Variants in VPS13B observed in about 807,000 individuals in gnomAD.
VPS13B encodes vacuolar protein sorting 13 homolog B.
A neutral mutation model predicts 426.4 loss-of-function variants in VPS13B; 285 were observed. The ratio of observed to expected loss-of-function variants is 0.67; its 90% confidence interval spans 0.61 to 0.74. VPS13B has a LOEUF of 0.74. VPS13B is among the 30% of genes least tolerant of loss of function. VPS13B has a pLI of 0.00. For synonymous variants in VPS13B, 1,676 were observed against 1,676.4 expected (o/e 1.00, Z 0.01); for missense variants, 4,537 against 4,782.6 (o/e 0.95, Z 1.51).
At chr8:99,544,469 TA>T (rs942729200) in intron 30 of VPS13B, among the ~76,000 whole-genome samples, 2 of 152,006 alleles carry the variant, frequency 1.3e-5, no homozygotes, top group African/African-American at 4.8e-5. Context: ...ATAATAATAA[TA>T]AAAAAAATTC....
intron 29 of VPS13B, among the ~76,000 whole-genome samples, chr8:99,516,575 G>T (rs140070819): frequency 2.9e-3 from 444 of 151,964 alleles, no homozygotes; most frequent in African/African-American, 0.01. Context: ...TATAGCTTGA[G>T]CCTAGGAGTT....
intron 19 of VPS13B, among the ~76,000 whole-genome samples, chr8:99,307,406 G>T (rs1820700186): frequency 6.6e-6 from 1 of 151,986 alleles, no homozygotes; most frequent in South Asian, 2.1e-4. Context: ...TGAAAGCAAA[G>T]AAATATTTTA....
intron 17 of VPS13B, among the ~76,000 whole-genome samples, chr8:99,217,350 C>T (rs921972212): frequency 3.3e-5 from 5 of 152,120 alleles, no homozygotes; most frequent in African/African-American, 4.8e-5. Flanking sequence ...GGCAGTAACA[C>T]GGTCAAGGAC....
rs191438112 is a variant in VPS13B, at chr8:99,113,855, G to A, written c.763-1845G>A. On this transcript the variant is annotated intron_variant, in intron 6 of 61. Coordinates refer to ENST00000357162, the MANE Select transcript of VPS13B (RefSeq NM_152564.5). Reference sequence around the variant, plus strand: ...TGGGATTACAGGCATGAGTCACTGCGCCTGGCCCCTCTATTTCTTTTCAAA... The same window carrying A: ...TGGGATTACAGGCATGAGTCACTGCACCTGGCCCCTCTATTTCTTTTCAAA... Among the ~76,000 whole-genome samples the A allele has an allele frequency of 2.8e-3, 424 of 152,240 alleles. 3 individuals are homozygous for A. The highest frequency in any genetic ancestry group is 9.3e-3 in the African/African-American group (388 of 41,538).
At chr8:99,680,728 T>TA (rs1831123670) in intron 35 of VPS13B, among the ~76,000 whole-genome samples, 1 of 152,234 alleles carries the variant, frequency 6.6e-6, no homozygotes, top group South Asian at 2.1e-4. Context: ...ATGAGGATTA[T>TA]AACACAATTC....
At chr8:99,818,690 G>A (rs769935683) in intron 46 of VPS13B, 23 bp from the exon 47 acceptor site, 1 of 1,612,946 alleles carries the variant, frequency 6.2e-7, no homozygotes, top group African/African-American at 1.3e-5. Flanking sequence ...TATGAAAGTT[G>A]TTCTATCCTT....
chr8:99,270,128 A>G (rs981583320), intron 17 of VPS13B, among the ~76,000 whole-genome samples: 1 of 22,026 alleles, frequency 4.5e-5, no homozygotes, highest in Non-Finnish European at 1.2e-4. Context: ...AAGATATAAG[A>G]ATCTTTTTTT....
At chr8:99,815,599 A>G (rs1405826996) in intron 44 of VPS13B, among the ~76,000 whole-genome samples, 1 of 152,148 alleles carries the variant, frequency 6.6e-6, no homozygotes, top group East Asian at 1.9e-4. Context: ...CCATGACCCA[A>G]TCAAGTTGAC....
At chr8:99,192,768 A>T (rs1369947392) in intron 16 of VPS13B, 108 bp from the exon 17 acceptor site, 9 of 1,155,384 alleles carry the variant, frequency 7.8e-6, no homozygotes, top group African/African-American at 3.1e-5. Flanking sequence ...GTTTGCATAC[A>T]TACTTTGGAT....
At chr8:99,475,986 G>T (rs549352847) in intron 24 of VPS13B, among the ~76,000 whole-genome samples, 54 of 152,168 alleles carry the variant, frequency 3.5e-4, no homozygotes, top group Non-Finnish European at 5.0e-4. Context: ...AAACAAAATT[G>T]TGTTAAACTG....
intron 33 of VPS13B, among the ~76,000 whole-genome samples, chr8:99,614,346 C>T (rs941158423): frequency 1.3e-4 from 20 of 152,050 alleles, no homozygotes; most frequent in African/African-American, 4.1e-4. Flanking sequence ...GGCGCAGTCT[C>T]AGCTCACCAC....
chr8:99,399,893 C>T (rs1388839719), intron 21 of VPS13B, among the ~76,000 whole-genome samples: 1 of 152,146 alleles, frequency 6.6e-6, no homozygotes, highest in Non-Finnish European at 1.5e-5. Context: ...CTTTATTTAA[C>T]ATACATATAA....
At chr8:99,455,985 T>G (rs1056133274) in intron 23 of VPS13B, among the ~76,000 whole-genome samples, 2 of 152,184 alleles carry the variant, frequency 1.3e-5, no homozygotes, top group African/African-American at 4.8e-5. Flanking sequence ...AGAGTGGAAT[T>G]TTTGGGTTGA....
At chr8:99,751,863 C>A (rs149730977) in intron 39 of VPS13B, among the ~76,000 whole-genome samples, 1 of 152,046 alleles carries the variant, frequency 6.6e-6, no homozygotes, top group Admixed American at 6.6e-5. Flanking sequence ...AGTTCCAAAC[C>A]CTAAGTCTCT....
Position 99,525,984 on chromosome 8 carries a change from G to T in VPS13B, c.4745+4974G>T, listed in dbSNP as rs182685701. Among the ~76,000 whole-genome samples the T allele has an allele frequency of 6.6e-3, 1,006 of 152,140 alleles. 8 individuals are homozygous for T. The highest frequency in any genetic ancestry group is 0.023 in the African/African-American group (946 of 41,504). On this transcript the variant is annotated intron_variant, in intron 30 of 61. Coordinates refer to ENST00000357162, the MANE Select transcript of VPS13B (RefSeq NM_152564.5). ...GAAGATCCATATAGGTCGTTGTGTG[G>T]ACTTTGGCTATTAGTTTGAGTGAGA...
chr8:99,136,605 T>A lies in VPS13B; in HGVS notation c.1564-60T>A, dbSNP rs527424773. On this transcript the variant is annotated intron_variant, in intron 11 of 61. Coordinates refer to ENST00000357162, the MANE Select transcript of VPS13B (RefSeq NM_152564.5). ...AAGATATGTGTCTAACCTATCAAGCTTTAAACTCAAAAGTTTCTTTTATAC... is the reference window on the plus strand; with the variant it reads ...AAGATATGTGTCTAACCTATCAAGCATTAAACTCAAAAGTTTCTTTTATAC... 5.1e-6 allele frequency: 8 copies of A among 1,567,064 alleles called. No homozygotes were observed. The East Asian group carries it at 1.6e-4, about 31-fold the overall frequency.
chr8:99,341,873 G>T, intron 19 of VPS13B: 1 of 169,162 alleles, frequency 5.9e-6, no homozygotes. Context: ...TCCTCCACTA[G>T]CTGCAAGGCC....
intron 35 of VPS13B, among the ~76,000 whole-genome samples, chr8:99,672,209 A>G (rs1214654471): frequency 6.6e-6 from 1 of 152,126 alleles, no homozygotes; most frequent in Non-Finnish European, 1.5e-5. Flanking sequence ...GATCAATAGC[A>G]TGGGCACATC....
chr8:99,024,295 C>T (rs1005095916), intron 2 of VPS13B, among the ~76,000 whole-genome samples: 1 of 152,212 alleles, frequency 6.6e-6, no homozygotes, highest in Non-Finnish European at 1.5e-5. Flanking sequence ...TGCATGCGCA[C>T]ATGTGTGCTA....
Sources: allele counts gnomAD v4.1 joint callset (sites outside exome capture counted in the v4.1 genomes callset), GRCh38; gene constraint gnomAD v4.1.1; transcripts MANE v1.5; gene names NCBI Gene and HGNC (gene_info 2026-07-23, HGNC 2026-07-21).